Variants in GPM6A observed in about 807,000 individuals in gnomAD.
GPM6A encodes the protein neuronal membrane glycoprotein M6-a.
Under a neutral mutation model 32.1 loss-of-function variants are expected in GPM6A, and 7 were observed. That is an observed-to-expected ratio of 0.22 (90% CI 0.12 to 0.41). GPM6A has a LOEUF of 0.41. Ranked by LOEUF, GPM6A falls within the 10% of genes least tolerant of loss-of-function variation. GPM6A has a pLI of 1.00. For missense variants in GPM6A, 235 were observed against 347.2 expected (o/e 0.68, Z 2.57); for synonymous variants, 130 against 123.4 (o/e 1.05, Z -0.35).
chr4:175,757,308 G>C (rs879541729), intron 1 of GPM6A, among the ~76,000 whole-genome samples: 5 of 151,986 alleles, frequency 3.3e-5, no homozygotes, highest in Non-Finnish European at 7.4e-5. Flanking sequence ...AATCACCTTG[G>C]AAGTGGATGC....
In GPM6A at chr4:175,649,898, C is replaced by T. The variant is rs145119431; in HGVS notation, c.541+1936G>A. On this transcript the variant is annotated intron_variant, in intron 4 of 6. Coordinates refer to ENST00000393658, the MANE Select transcript of GPM6A (RefSeq NM_201591.3). ...CTGGGTGCCCTGTATTTTAACCTGG[C>T]AACCCTATTTGAGAGGCTAATCACA... Among the ~76,000 whole-genome samples, 506 of 152,300 alleles carry T rather than the reference C, an allele frequency of 3.3e-3. 2 individuals carry two copies. Among genetic ancestry groups the T allele is most frequent in the Non-Finnish European group, 5.5e-3 (374 of 68,020 alleles).
At chr4:175,798,288 A>C (rs1734318449) in intron 1 of GPM6A, among the ~76,000 whole-genome samples, 1 of 152,192 alleles carries the variant, frequency 6.6e-6, no homozygotes, top group African/African-American at 2.4e-5. Context: ...TCATTTAATA[A>C]CTTTTAATGA....
intron 1 of GPM6A, among the ~76,000 whole-genome samples, chr4:175,810,910 A>G (rs549714001): frequency 6.6e-6 from 1 of 152,328 alleles, no homozygotes; most frequent in East Asian, 1.9e-4. Context: ...AATAGATCAC[A>G]TGCTATTAAT....
intron 1 of GPM6A, among the ~76,000 whole-genome samples, chr4:175,789,420 G>A (rs1424213849): frequency 6.6e-6 from 1 of 152,038 alleles, no homozygotes; most frequent in East Asian, 1.9e-4. Flanking sequence ...TAAACTCATT[G>A]CAGAAGCTGT....
In GPM6A at chr4:175,647,611, A is replaced by T. The variant is rs1477927088; in HGVS notation, c.541+4223T>A. Among the ~76,000 whole-genome samples the T allele has an allele frequency of 2.6e-5, 4 of 152,210 alleles. No homozygotes were observed. In the East Asian group the frequency reaches 7.7e-4, roughly 29 times the overall value. On this transcript the variant is annotated intron_variant, in intron 4 of 6. Transcript: ENST00000393658. ...TAGGTATAATGGCCATTATAGGCTG[A>T]GAGTTCCTATTACATATTAAATACC...
chr4:175,768,529 T>G (rs964706693), intron 1 of GPM6A, among the ~76,000 whole-genome samples: 1 of 151,876 alleles, frequency 6.6e-6, no homozygotes, highest in Non-Finnish European at 1.5e-5. Context: ...AACTAAAAAA[T>G]TAATAATAAT....
At chr4:175,732,008 C>T (rs949024374) in intron 1 of GPM6A, among the ~76,000 whole-genome samples, 4 of 149,224 alleles carry the variant, frequency 2.7e-5, no homozygotes, top group Non-Finnish European at 4.4e-5. Context: ...GCTCTGTCGC[C>T]CAGGCTGGAG....
rs940555052 is a variant in GPM6A at position 175,651,905 on chromosome 4, T to C, written c.470A>G (p.Asn157Ser). 6.2e-7 allele frequency: 1 copy of C among 1,613,310 alleles called. No homozygotes were observed. Among genetic ancestry groups the C allele is most frequent in the East Asian group, 2.2e-5 (1 of 44,840 alleles). Residue 157 changes from asparagine to serine, a missense_variant, in exon 4 of 7, where the codon AAT becomes AGT. Coordinates refer to ENST00000393658, the MANE Select transcript of GPM6A (RefSeq NM_201591.3). ...GGTGTTCCGGCAGATGGTCCACAGA[T>C]TGAAGTACATGTAAACTGGCAGTGA... ...FTSLPVYMYFNLWTICRNTTL... is the reference protein window; with the variant it reads ...FTSLPVYMYFSLWTICRNTTL...
intron 1 of GPM6A, among the ~76,000 whole-genome samples, chr4:175,943,363 C>A (rs1452982026): frequency 1.3e-5 from 2 of 152,060 alleles, no homozygotes; most frequent in African/African-American, 4.8e-5. Flanking sequence ...ATTTGAATAC[C>A]TTTTATTTCT....
In GPM6A at chr4:175,822,222, CTGTT is replaced by C. The variant is rs201126706; in HGVS notation, c.-22-9977_-22-9974del. Among the ~76,000 whole-genome samples the C allele has an allele frequency of 9.1e-3, 1,380 of 152,184 alleles. 15 individuals carry two copies. Among genetic ancestry groups the C allele is most frequent in the Middle Eastern group, 0.014 (4 of 292 alleles). Reference sequence around the variant, plus strand: ...TTTGTAGATTTTCTGATGTTAAACTCTGTTTGCATTCCCAAACAGAGAATTGGTC... The same window carrying C: ...TTTGTAGATTTTCTGATGTTAAACTCTGCATTCCCAAACAGAGAATTGGTC... On this transcript the variant is annotated intron_variant, in intron 1 of 7. Coordinates refer to the GPM6A transcript ENST00000280187.
chr4:175,818,687 T>C (rs1171537575), intron 1 of GPM6A, among the ~76,000 whole-genome samples: 1 of 152,252 alleles, frequency 6.6e-6, no homozygotes, highest in African/African-American at 2.4e-5. Flanking sequence ...TTATCTTATG[T>C]TTATCTGCTT....
At chr4:175,659,943 A>G (rs1742306118) in intron 3 of GPM6A, among the ~76,000 whole-genome samples, 1 of 152,228 alleles carries the variant, frequency 6.6e-6, no homozygotes, top group African/African-American at 2.4e-5. Context: ...ATAACTAAAA[A>G]TAAAAATATG....
chr4:175,660,750 CA>C (rs758486371), intron 3 of GPM6A, among the ~76,000 whole-genome samples: 3 of 152,022 alleles, frequency 2.0e-5, no homozygotes, highest in Non-Finnish European at 4.4e-5. Flanking sequence ...TTAAAATTAA[CA>C]AAAATTAGAA....
intron 1 of GPM6A, among the ~76,000 whole-genome samples, chr4:175,871,709 C>T (rs1366110586): frequency 3.9e-5 from 6 of 152,098 alleles, no homozygotes; most frequent in Admixed American, 2.6e-4. Context: ...TTACTTCTCC[C>T]GTATAGGAAT....
chr4:176,002,283 G>A, intron 1 of GPM6A: 2 of 1,598,792 alleles, frequency 1.3e-6, no homozygotes, highest in Non-Finnish European at 1.7e-6. Context: ...TTTGGGCGAG[G>A]TGTACGCGCC....
chr4:175,704,514 A>G (rs1745066479), intron 1 of GPM6A, among the ~76,000 whole-genome samples: 1 of 152,184 alleles, frequency 6.6e-6, no homozygotes, highest in Non-Finnish European at 1.5e-5. Context: ...TTAACAGGGC[A>G]GCAGAAAAAT....
At chr4:175,926,537 A>G (rs1233363579) in intron 1 of GPM6A, among the ~76,000 whole-genome samples, 2 of 152,190 alleles carry the variant, frequency 1.3e-5, no homozygotes, top group African/African-American at 2.4e-5. Flanking sequence ...ATTTGACAAA[A>G]TAATCAAGTT....
intron 1 of GPM6A, among the ~76,000 whole-genome samples, chr4:175,704,947 T>G (rs1203277096): frequency 6.6e-6 from 1 of 152,204 alleles, no homozygotes; most frequent in Non-Finnish European, 1.5e-5. Flanking sequence ...GGTAAGCTCA[T>G]GACTGATCAC....
intron 1 of GPM6A, among the ~76,000 whole-genome samples, chr4:175,923,524 G>A: frequency 6.6e-6 from 1 of 150,568 alleles, no homozygotes; most frequent in East Asian, 1.9e-4. Flanking sequence ...GCAGTTTTGG[G>A]GTTTTTTTTG....
Sources: gnomAD v4.1 joint callset for allele counts (sites outside exome capture counted in the v4.1 genomes callset) on GRCh38, gnomAD v4.1.1 for gene constraint, MANE v1.5 for transcripts, NCBI Gene and HGNC (gene_info 2026-07-23, HGNC 2026-07-21) for gene names.